Variants in ST7L observed in about 807,000 individuals in gnomAD.
The protein encoded by ST7L is suppressor of tumorigenicity 7 protein-like.
In ST7L, 57 loss-of-function variants were observed where a neutral mutation model predicts 72.5. The ratio of observed to expected loss-of-function variants is 0.79; its 90% CI spans 0.64 to 0.98. ST7L has a LOEUF of 0.98. Ranked by LOEUF, ST7L falls within the 50% of genes least tolerant of loss-of-function variation. The pLI is 0.00. For synonymous variants in ST7L, 221 were observed against 240.9 expected (o/e 0.92, Z 0.77); for missense variants, 576 against 672.2 (o/e 0.86, Z 1.58).
At chr1:112,556,164 G>A in intron 11 of ST7L, 146 bp from the exon 12 acceptor site, 2 of 571,706 alleles carry the variant, frequency 3.5e-6, no homozygotes, top group Non-Finnish European at 5.4e-6. Context: ...ATGACATGAA[G>A]ATACTGATAA....
Position 112,577,048 on chromosome 1 carries a change from C to T in ST7L, c.1183G>A (p.Ala395Thr). The change falls in exon 11 of 15, where the codon GCA (alanine) becomes ACA (threonine). Residue 395 changes from alanine (A) to threonine (T), a missense_variant. Transcript: ENST00000358039. The part of the protein sequence containing the change: ...ETASRRGLST[A>T]EINAVEAIHR... ...ATTGCTTCCACGGCATTAATTTCTG[C>T]TGTGCTTAATCCTCTTCTGGAGGCT... The T allele has an allele frequency of 6.2e-7, 1 of 1,610,420 alleles. No homozygotes were observed. The highest frequency in any genetic ancestry group is 1.1e-5 in the South Asian group (1 of 90,492).
chr1:112,602,605 T>C (rs1667583186), intron 3 of ST7L, among the ~76,000 whole-genome samples: 1 of 152,190 alleles, frequency 6.6e-6, no homozygotes, highest in Non-Finnish European at 1.5e-5. Context: ...AGTAAAGCAA[T>C]TGTTTGTGAG....
At chr1:112,549,054 C>T (rs1381368272) in intron 13 of ST7L, among the ~76,000 whole-genome samples, 1 of 151,136 alleles carries the variant, frequency 6.6e-6, no homozygotes, top group Non-Finnish European at 1.5e-5. Context: ...ATTTTGATAG[C>T]GATTGTATTG....
At chr1:112,586,638 A>AT (rs955593169) in intron 6 of ST7L, among the ~76,000 whole-genome samples, 19 of 152,080 alleles carry the variant, frequency 1.2e-4, no homozygotes, top group Non-Finnish European at 2.5e-4. Flanking sequence ...TGGTGAAAAG[A>AT]TTTTTTCCCC....
At chr1:112,526,303 T>G (rs1653376382) in intron 14 of ST7L, 192 bp from the exon 15 acceptor site, 2 of 567,034 alleles carry the variant, frequency 3.5e-6, no homozygotes, top group Non-Finnish European at 5.8e-6. Flanking sequence ...ATATTCCACA[T>G]TTAAACAACT....
intron 11 of ST7L, among the ~76,000 whole-genome samples, chr1:112,573,049 T>G (rs1662407935): frequency 6.6e-6 from 1 of 151,104 alleles, no homozygotes; most frequent in Non-Finnish European, 1.5e-5. Context: ...CTAGCCAAGG[T>G]TAGGAATTAA....
chr1:112,598,353 C>G (rs1005181652), intron 4 of ST7L, among the ~76,000 whole-genome samples: 11 of 151,704 alleles, frequency 7.3e-5, no homozygotes, highest in African/African-American at 2.7e-4. Context: ...GTAATCTCAG[C>G]ACTTTGGGAG....
At chr1:112,589,210 G>A (rs1379124178) in intron 6 of ST7L, among the ~76,000 whole-genome samples, 2 of 151,640 alleles carry the variant, frequency 1.3e-5, no homozygotes, top group South Asian at 2.1e-4. Flanking sequence ...TGTCTATTAA[G>A]TCCAAAGTCT....
upstream of ST7L, chr1:112,619,627 A>G (rs1670504254): frequency 3.5e-6 from 2 of 574,380 alleles, no homozygotes; most frequent in Middle Eastern, 4.7e-4. Flanking sequence ...TGGGAAAGAT[A>G]TTAGACTTCA....
At chr1:112,573,768 C>T (rs1662559725) in intron 11 of ST7L, among the ~76,000 whole-genome samples, 1 of 151,886 alleles carries the variant, frequency 6.6e-6, no homozygotes, top group South Asian at 2.1e-4. Flanking sequence ...TTTGCTCACA[C>T]CTGTAATCCC....
chr1:112,582,082 T>C lies in ST7L; in HGVS notation c.979A>G (p.Thr327Ala), dbSNP rs142609202. The C allele has an allele frequency of 1.2e-6, 2 of 1,611,820 alleles. No homozygotes were observed. The highest frequency in any genetic ancestry group is 8.5e-7 in the Non-Finnish European group (1 of 1,178,408). Residue 327 changes from threonine to alanine, a missense_variant, in exon 9 of 15, where the codon ACC becomes GCC. Coordinates refer to ENST00000358039, the MANE Select transcript of ST7L (RefSeq NM_017744.5). ...AGATTTTCATGGATGTTCAACATGG[T>C]AAGAGGAGGAAATTCTTTCATCAAC... ...RDLMKEFPPL[T>A]MLNIHENLLE...
rs1665737813 is a variant in ST7L at position 112,591,631 on chromosome 1, T to A, written c.623-28A>T. On this transcript the variant is annotated intron_variant, in intron 5 of 14. Coordinates refer to ENST00000358039, the MANE Select transcript of ST7L (RefSeq NM_017744.5). ...GTAGAAAAAAATTCCATAAAATAGA[T>A]GAGATGGTAAAAAAATAATCTGCAA... is the stretch of plus-strand genomic sequence containing the variant. 4 of 1,568,148 alleles carry A rather than the reference T, an allele frequency of 2.6e-6. No homozygotes were observed. The East Asian group carries it at 9.0e-5, about 35-fold the overall frequency.
At chr1:112,619,252 C>A (rs911140031), upstream of ST7L, 11 of 782,292 alleles carry the variant, frequency 1.4e-5, no homozygotes, top group African/African-American at 1.4e-4. Flanking sequence ...GAGAAGATTT[C>A]GAAGGTGGAG....
chr1:112,587,021 A>C (rs1238415592), intron 6 of ST7L, among the ~76,000 whole-genome samples: 1 of 152,102 alleles, frequency 6.6e-6, no homozygotes, highest in Non-Finnish European at 1.5e-5. Flanking sequence ...AACTTTGATA[A>C]AGTCCATTTA....
intron 2 of ST7L, among the ~76,000 whole-genome samples, chr1:112,614,920 G>A (rs576080202): frequency 1.7e-4 from 26 of 152,244 alleles, no homozygotes; most frequent in African/African-American, 4.3e-4. Flanking sequence ...GGATGTTAAC[G>A]TGAATTATAA....
At chr1:112,568,734 G>T (rs1661495458) in intron 11 of ST7L, among the ~76,000 whole-genome samples, 1 of 149,520 alleles carries the variant, frequency 6.7e-6, no homozygotes, top group Non-Finnish European at 1.5e-5. Context: ...TTTAGGCCAG[G>T]CACAGTGACT....
intron 6 of ST7L, among the ~76,000 whole-genome samples, chr1:112,589,073 T>C (rs1239716787): frequency 6.6e-6 from 1 of 152,160 alleles, no homozygotes; most frequent in Non-Finnish European, 1.5e-5. Flanking sequence ...TTTTCAATTC[T>C]GGAATTTCTA....
intron 1 of ST7L, chr1:112,618,104 A>T: frequency 1.5e-6 from 2 of 1,301,506 alleles, no homozygotes; most frequent in Admixed American, 2.3e-5. Flanking sequence ...GGAAATACTT[A>T]TATCTTGTTC....
chr1:112,577,695 C>CA, intron 10 of ST7L, among the ~76,000 whole-genome samples: 1 of 152,160 alleles, frequency 6.6e-6, no homozygotes, highest in South Asian at 2.1e-4. Context: ...AAATGCAACA[C>CA]AGTGATATCC....
Sources: allele counts gnomAD v4.1 joint callset (sites outside exome capture counted in the v4.1 genomes callset), GRCh38; gene constraint gnomAD v4.1.1; transcripts MANE v1.5; gene names NCBI Gene and HGNC (gene_info 2026-07-23, HGNC 2026-07-21).